Variants in FSTL5 observed in about 807,000 individuals in gnomAD.
FSTL5 encodes the protein follistatin like 5.
FSTL5 carries 62 observed loss-of-function variants against 89.1 expected under a neutral mutation model. The observed-to-expected ratio is 0.70, with a 90% CI of 0.57 to 0.86. The LOEUF (loss-of-function observed/expected upper bound fraction) is 0.86. FSTL5 is among the 40% of genes least tolerant of loss of function. The pLI is 0.00. For synonymous variants in FSTL5, 383 were observed against 346.2 expected (o/e 1.11, Z -1.18); for missense variants, 1,057 against 1,001.6 (o/e 1.06, Z -0.75).
rs948490539 is a variant in FSTL5, at chr4:161,777,112, G to A, written c.410-1038C>T. Reference sequence around the variant, plus strand: ...ATTATTTTTTTCAGCTTCCACCTTTGAGTGAGAACATGTGATATTTGTCTT... The same window carrying A: ...ATTATTTTTTTCAGCTTCCACCTTTAAGTGAGAACATGTGATATTTGTCTT... On this transcript the variant is annotated intron_variant, in intron 4 of 15. Transcript: ENST00000306100. Among the ~76,000 whole-genome samples the A allele has an allele frequency of 2.0e-5, 3 of 151,566 alleles. No individual in the cohort carries two copies. In the South Asian group the frequency reaches 6.3e-4, roughly 32 times the overall value.
intron 3 of FSTL5, among the ~76,000 whole-genome samples, chr4:162,026,553 C>G (rs1243566036): frequency 6.6e-6 from 1 of 151,940 alleles, no homozygotes; most frequent in Non-Finnish European, 1.5e-5. Flanking sequence ...AGTGATCCAC[C>G]TGCCTTGGCT....
chr4:161,610,094 T>C (rs1416973727), intron 7 of FSTL5, among the ~76,000 whole-genome samples: 4 of 152,042 alleles, frequency 2.6e-5, no homozygotes, highest in Admixed American at 1.3e-4. Flanking sequence ...ATAGAGTAAA[T>C]TTGAACCTGC....
In FSTL5 at chr4:162,052,678, G is replaced by T. The variant is rs138634374; in HGVS notation, c.127-19020C>A. On this transcript the variant is annotated intron_variant, in intron 2 of 15. Transcript: ENST00000306100. ...AAGCACAAATCAAACAACACAGAAA[G>T]ATCTCCAAGAATACAGTGCTGAGTG... Among the ~76,000 whole-genome samples, 229 of 151,876 alleles carry T rather than the reference G, an allele frequency of 1.5e-3. 1 individual carries two copies. Among genetic ancestry groups the T allele is most frequent in the Middle Eastern group, 3.4e-3 (1 of 294 alleles).
intron 3 of FSTL5, among the ~76,000 whole-genome samples, chr4:162,024,540 G>A (rs1416407447): frequency 2.6e-5 from 4 of 151,858 alleles, no homozygotes; most frequent in African/African-American, 9.7e-5. Flanking sequence ...CAACATTTGG[G>A]GCACACAGCA....
chr4:161,868,891 A>G (rs1298382542), intron 4 of FSTL5, among the ~76,000 whole-genome samples: 4 of 152,162 alleles, frequency 2.6e-5, no homozygotes, highest in Admixed American at 6.5e-5. Flanking sequence ...ATCCTTATAT[A>G]CTAAGTCATC....
intron 10 of FSTL5, among the ~76,000 whole-genome samples, chr4:161,520,024 A>T (rs1294576950): frequency 6.6e-6 from 1 of 152,168 alleles, no homozygotes; most frequent in Admixed American, 6.5e-5. Context: ...ACATAAAGTT[A>T]AATTAATAGA....
At chr4:162,085,668 G>A (rs764565341) in intron 2 of FSTL5, among the ~76,000 whole-genome samples, 1 of 152,068 alleles carries the variant, frequency 6.6e-6, no homozygotes, top group Non-Finnish European at 1.5e-5. Context: ...TGAGAGGGAT[G>A]TGAAAAATAA....
intron 10 of FSTL5, among the ~76,000 whole-genome samples, chr4:161,524,831 G>A (rs899446906): frequency 6.6e-6 from 1 of 151,824 alleles, no homozygotes; most frequent in Non-Finnish European, 1.5e-5. Context: ...GGTGGCAGAC[G>A]CCTGTAATAC....
intron 1 of FSTL5, among the ~76,000 whole-genome samples, chr4:162,114,892 CA>C (rs1011537707): frequency 1.3e-5 from 2 of 151,962 alleles, no homozygotes; most frequent in African/African-American, 4.8e-5. Context: ...CTAAGATTTC[CA>C]AGTCCCAAAT....
At chr4:162,102,022 C>T (rs185231033) in intron 2 of FSTL5, among the ~76,000 whole-genome samples, 231 of 152,168 alleles carry the variant, frequency 1.5e-3, no homozygotes, top group Middle Eastern at 3.4e-3. Context: ...TTGAAAACAA[C>T]CACACCTATA....
chr4:161,558,004 G>A (rs72687536), intron 8 of FSTL5, among the ~76,000 whole-genome samples: 12,602 of 151,832 alleles, frequency 0.083, 594 homozygotes, highest in Middle Eastern at 0.18. Flanking sequence ...CTGCAAATAA[G>A]TGGTTAAACA....
At chr4:162,096,550 A>G (rs893735683) in intron 2 of FSTL5, among the ~76,000 whole-genome samples, 6 of 151,978 alleles carry the variant, frequency 3.9e-5, no homozygotes, top group Admixed American at 3.9e-4. Flanking sequence ...CTTAAAGCTC[A>G]ACATAAAACA....
chr4:162,098,972 A>G (rs1048881822), intron 2 of FSTL5, among the ~76,000 whole-genome samples: 1 of 152,078 alleles, frequency 6.6e-6, no homozygotes, highest in Admixed American at 6.6e-5. Context: ...ACAAAACTAT[A>G]AAACTTAAAG....
At chr4:161,505,842 T>G (rs1004511912) in intron 11 of FSTL5, among the ~76,000 whole-genome samples, 1 of 152,066 alleles carries the variant, frequency 6.6e-6, no homozygotes, top group African/African-American at 2.4e-5. Context: ...TTTAAAAAGC[T>G]TAGACTGATG....
intron 3 of FSTL5, among the ~76,000 whole-genome samples, chr4:161,931,393 A>C (rs1046367597): frequency 6.6e-6 from 1 of 151,908 alleles, no homozygotes; most frequent in African/African-American, 2.4e-5. Flanking sequence ...ATATAGTATA[A>C]GTTGGAAAGA....
chr4:161,613,224 G>T (rs1734713961), intron 7 of FSTL5, among the ~76,000 whole-genome samples: 1 of 152,078 alleles, frequency 6.6e-6, no homozygotes, highest in African/African-American at 2.4e-5. Context: ...AGGATGAGGC[G>T]GGGGAATCAC....
chr4:161,646,771 T>C (rs1206566102), intron 7 of FSTL5, among the ~76,000 whole-genome samples: 1 of 152,190 alleles, frequency 6.6e-6, no homozygotes, highest in Non-Finnish European at 1.5e-5. Flanking sequence ...TATGAGCCAC[T>C]CCACATAACT....
intron 15 of FSTL5, among the ~76,000 whole-genome samples, chr4:161,406,238 A>G (rs1193929164): frequency 6.6e-6 from 1 of 151,986 alleles, no homozygotes; most frequent in Non-Finnish European, 1.5e-5. Context: ...ATTTGCCTCA[A>G]AGTATTTTCA....
intron 7 of FSTL5, among the ~76,000 whole-genome samples, chr4:161,633,113 T>C (rs1190915802): frequency 6.6e-6 from 1 of 151,932 alleles, no homozygotes; most frequent in Non-Finnish European, 1.5e-5. Flanking sequence ...AGGTATTTCA[T>C]AGGTGCATAT....
Sources: allele counts gnomAD v4.1 joint callset (sites outside exome capture counted in the v4.1 genomes callset), GRCh38; gene constraint gnomAD v4.1.1; transcripts MANE v1.5; gene names NCBI Gene and HGNC (gene_info 2026-07-23, HGNC 2026-07-21).